PRKG1: variants seen among roughly 807,000 people sequenced by gnomAD.
The protein encoded by PRKG1 is protein kinase cGMP-dependent 1.
In PRKG1, 35 loss-of-function variants were observed where a neutral mutation model predicts 88.1. That is an observed-to-expected ratio of 0.40 (90% confidence interval 0.30 to 0.53). PRKG1 has a LOEUF of 0.53. Among genes scored for constraint, PRKG1 ranks in the 20% least tolerant of loss-of-function variants. PRKG1 has a pLI of 0.59. For synonymous variants in PRKG1, 303 were observed against 292.5 expected (o/e 1.04, Z -0.37); for missense variants, 540 against 839.8 (o/e 0.64, Z 4.41).
At chr10:51,062,057 G>A (rs1045705130) in intron 1 of PRKG1, among the ~76,000 whole-genome samples, 1 of 152,186 alleles carries the variant, frequency 6.6e-6, no homozygotes, top group African/African-American at 2.4e-5. Context: ...GAGAGAGTAT[G>A]ATACTCTGGA....
chr10:52,271,370 A>C lies in PRKG1; in HGVS notation c.1194A>C (p.Glu398Asp). ...RVELVQLKSE[E>D]SKTFAMKILK... ...TTAAGGTCCAGTTGAAAAGTGAAGA[A>C]TCCAAAACGTTTGCAATGAAGATTC... is the stretch of plus-strand genomic sequence containing the variant. Residue 398 changes from glutamate (E) to aspartate (D), a missense_variant, in exon 11 of 18, where the codon GAA becomes GAC. Around this residue, in one of 5 missense-constraint regions of PRKG1, gnomAD observed 400 missense variants for 562.7 expected, o/e 0.71. Transcript: ENST00000373980. The C allele has an allele frequency of 6.2e-7, 1 of 1,612,770 alleles. No individual in the cohort carries two copies. Among genetic ancestry groups the C allele is most frequent in the Non-Finnish European group, 8.5e-7 (1 of 1,179,190 alleles).
At chr10:51,240,509 G>A (rs968460098) in intron 2 of PRKG1, among the ~76,000 whole-genome samples, 3 of 152,090 alleles carry the variant, frequency 2.0e-5, no homozygotes, top group African/African-American at 7.2e-5. Flanking sequence ...TACAAAGTCA[G>A]TTATTTTATA....
intron 2 of PRKG1, chr10:51,299,774 C>T (rs944630104): frequency 3.2e-5 from 11 of 348,360 alleles, no homozygotes; most frequent in African/African-American, 7.0e-5. Flanking sequence ...CCTCATGTGG[C>T]GTAACTGCTC....
intron 7 of PRKG1, among the ~76,000 whole-genome samples, chr10:52,122,134 G>GCAT (rs1405072496): frequency 2.0e-5 from 3 of 152,194 alleles, no homozygotes; most frequent in Non-Finnish European, 4.4e-5. Flanking sequence ...TCTTCTTGAT[G>GCAT]CATCATTCCA....
intron 5 of PRKG1, among the ~76,000 whole-genome samples, chr10:52,030,912 C>G (rs1845459615): frequency 6.6e-6 from 1 of 152,206 alleles, no homozygotes; most frequent in South Asian, 2.1e-4. Context: ...TCTGTAAATG[C>G]TAGGTAAATT....
intron 1 of PRKG1, among the ~76,000 whole-genome samples, chr10:51,055,152 G>A (rs1359966677): frequency 6.6e-6 from 1 of 152,136 alleles, no homozygotes; most frequent in Non-Finnish European, 1.5e-5. Flanking sequence ...AAGGATCTCA[G>A]AAGTGGTATT....
chr10:51,100,544 T>C (rs1430120212), intron 1 of PRKG1, among the ~76,000 whole-genome samples: 1 of 152,220 alleles, frequency 6.6e-6, no homozygotes, highest in African/African-American at 2.4e-5. Flanking sequence ...AATATCAAAA[T>C]TGCTGCAACT....
chr10:51,598,359 C>T (rs900357499), intron 3 of PRKG1, among the ~76,000 whole-genome samples: 10 of 152,250 alleles, frequency 6.6e-5, no homozygotes, highest in East Asian at 5.8e-4. Flanking sequence ...CTGCAACCTC[C>T]GCCTCCCAAG....
intron 8 of PRKG1, among the ~76,000 whole-genome samples, chr10:52,142,493 G>A (rs1310412583): frequency 6.6e-6 from 1 of 152,022 alleles, no homozygotes; most frequent in African/African-American, 2.4e-5. Context: ...TATTTTCATT[G>A]AATTAAATCT....
chr10:51,739,823 A>C (rs984105863), intron 3 of PRKG1, among the ~76,000 whole-genome samples: 1 of 152,052 alleles, frequency 6.6e-6, no homozygotes, highest in African/African-American at 2.4e-5. Context: ...AATATAAAAA[A>C]TTAGCCAAGC....
At chr10:52,067,634 G>A (rs556058596) in intron 7 of PRKG1, among the ~76,000 whole-genome samples, 13 of 151,890 alleles carry the variant, frequency 8.6e-5, no homozygotes, top group Admixed American at 3.9e-4. Context: ...TTAACCAATA[G>A]CATCTTATTA....
intron 2 of PRKG1, among the ~76,000 whole-genome samples, chr10:51,447,299 A>G (rs1839301278): frequency 1.3e-5 from 2 of 151,918 alleles, no homozygotes; most frequent in African/African-American, 2.4e-5. Context: ...TCTCAGCCCC[A>G]CCCCAGTGCT....
intron 3 of PRKG1, among the ~76,000 whole-genome samples, chr10:51,706,670 A>G (rs1841612232): frequency 6.6e-6 from 1 of 152,178 alleles, no homozygotes; most frequent in African/African-American, 2.4e-5. Context: ...CACTTAGAAA[A>G]GGCAGTAGAG....
At position 52,189,616 on chromosome 10, in the gene PRKG1, C is replaced by A. The variant is rs1407847901; in HGVS notation, c.1076+27653C>A. ...TAATATGAGGTGGTACAGTTTCATC[C>A]TGAAACCATTTATCCCACCCTCAAT... On this transcript the variant is annotated intron_variant, in intron 9 of 17. Coordinates refer to ENST00000373980, the MANE Select transcript of PRKG1 (RefSeq NM_006258.4). Among the ~76,000 whole-genome samples, 3 of 152,156 alleles carry A rather than the reference C, an allele frequency of 2.0e-5. No individual in the cohort carries two copies. The East Asian group carries it at 5.8e-4, about 29-fold the overall frequency.
At chr10:51,050,215 A>C (rs78338228) in intron 1 of PRKG1, among the ~76,000 whole-genome samples, 3,459 of 152,046 alleles carry the variant, frequency 0.023, 63 homozygotes, top group African/African-American at 0.057. Context: ...TTAAGTATAC[A>C]GTTCAGTATT....
At chr10:51,268,597 T>C (rs559974474) in intron 2 of PRKG1, among the ~76,000 whole-genome samples, 2 of 152,344 alleles carry the variant, frequency 1.3e-5, no homozygotes, top group Non-Finnish European at 2.9e-5. Context: ...TTATCTCTCT[T>C]GTTCCCTGTA....
intron 5 of PRKG1, among the ~76,000 whole-genome samples, chr10:51,960,658 G>T (rs1281369341): frequency 1.3e-5 from 2 of 152,142 alleles, no homozygotes; most frequent in African/African-American, 2.4e-5. Context: ...AGAGTCTTAA[G>T]AAATCTGCCC....
At chr10:51,141,714 C>T (rs932457782) in intron 1 of PRKG1, among the ~76,000 whole-genome samples, 14 of 152,108 alleles carry the variant, frequency 9.2e-5, no homozygotes, top group Admixed American at 3.9e-4. Context: ...TTTCTTCCTA[C>T]CCCCTCTGTC....
intron 4 of PRKG1, among the ~76,000 whole-genome samples, chr10:51,889,408 C>T (rs1007887912): frequency 5.9e-5 from 9 of 151,872 alleles, no homozygotes; most frequent in Non-Finnish European, 8.8e-5. Context: ...TTTATGGCTG[C>T]GTAGTATTCC....
Sources: gnomAD v4.1 joint callset for allele counts (sites outside exome capture counted in the v4.1 genomes callset) on GRCh38, gnomAD v4.1.1 for gene constraint, gnomAD v4.1.1 regional missense constraint, MANE v1.5 for transcripts, NCBI Gene and HGNC (gene_info 2026-07-23, HGNC 2026-07-21) for gene names.